The following PLA2G7 variants were observed in gnomAD, a reference collection of about 807,000 sequenced individuals.
PLA2G7 encodes phospholipase A2 group VII, also known as platelet-activating factor acetylhydrolase.
In PLA2G7, 63 loss-of-function variants were observed where a neutral mutation model predicts 49.6. That is an observed-to-expected ratio of 1.27 (90% confidence interval 1.04 to 1.57). The LOEUF (loss-of-function observed/expected upper bound fraction) is 1.57. Among genes scored for constraint, PLA2G7 ranks in the 40% most tolerant of loss-of-function variants. PLA2G7 has a pLI of 0.00. For synonymous variants in PLA2G7, 193 were observed against 169.9 expected, an observed-to-expected ratio of 1.14 and a Z score of -1.06; for missense variants, 596 against 521.2, an observed-to-expected ratio of 1.14 and a Z score of -1.40.
intron 1 of PLA2G7, among the ~76,000 whole-genome samples, chr6:46,725,424 G>T (rs1030256073): frequency 6.6e-6 from 1 of 152,050 alleles, no homozygotes; most frequent in African/African-American, 2.4e-5. Context: ...TAGAGATGGG[G>T]TTTCACCATG....
chr6:46,720,563 C>T (rs1049487935), intron 2 of PLA2G7, among the ~76,000 whole-genome samples: 1 of 152,174 alleles, frequency 6.6e-6, no homozygotes, highest in African/African-American at 2.4e-5. Context: ...TAGCCTACAG[C>T]TGACCCGGTT....
intron 1 of PLA2G7, among the ~76,000 whole-genome samples, chr6:46,728,150 T>C (rs1765626434): frequency 6.6e-6 from 1 of 152,252 alleles, no homozygotes; most frequent in Admixed American, 6.5e-5. Flanking sequence ...AAATGATTGC[T>C]GAAGAAGATA....
intron 10 of PLA2G7, among the ~76,000 whole-genome samples, chr6:46,707,692 G>A (rs1764872687): frequency 6.6e-6 from 1 of 152,194 alleles, no homozygotes; most frequent in Admixed American, 6.5e-5. Context: ...TGTACAGGCT[G>A]CAGAACTGTG....
intron 5 of PLA2G7, 45 bp downstream of exon 5, chr6:46,714,415 C>G: frequency 8.6e-7 from 1 of 1,159,518 alleles, no homozygotes; most frequent in Non-Finnish European, 1.3e-6. Context: ...AAAAAATTGT[C>G]ATTTATTCCT....
chr6:46,705,793 A>T (rs1254715008), intron 10 of PLA2G7, among the ~76,000 whole-genome samples: 1 of 152,260 alleles, frequency 6.6e-6, no homozygotes, highest in Non-Finnish European at 1.5e-5. Context: ...GCACTTTATA[A>T]ATATCATTTG....
intron 1 of PLA2G7, among the ~76,000 whole-genome samples, chr6:46,729,425 G>T (rs1400715130): frequency 6.6e-6 from 1 of 152,138 alleles, no homozygotes; most frequent in Non-Finnish European, 1.5e-5. Flanking sequence ...CCACTTATCT[G>T]ATGTCATATG....
chr6:46,718,740 C>T (rs1219269208), intron 2 of PLA2G7, among the ~76,000 whole-genome samples: 4 of 152,344 alleles, frequency 2.6e-5, no homozygotes, highest in Non-Finnish European at 4.4e-5. Flanking sequence ...TACATAGATT[C>T]TATGTGCATG....
At chr6:46,734,490 G>C (rs181041007) in intron 1 of PLA2G7, among the ~76,000 whole-genome samples, 20 of 108,058 alleles carry the variant, frequency 1.9e-4, no homozygotes, top group South Asian at 3.2e-4. Context: ...GAGAGAGAGA[G>C]ACGGAGAGAG....
intron 1 of PLA2G7, among the ~76,000 whole-genome samples, chr6:46,724,932 A>G (rs1342833558): frequency 6.6e-6 from 1 of 152,236 alleles, no homozygotes; most frequent in African/African-American, 2.4e-5. Flanking sequence ...CAAATACTAT[A>G]TGCCCTCTCC....
chr6:46,720,812 G>A (rs986987399), intron 2 of PLA2G7, among the ~76,000 whole-genome samples: 3 of 152,150 alleles, frequency 2.0e-5, no homozygotes, highest in Non-Finnish European at 4.4e-5. Context: ...CTGATGTTCA[G>A]TCTTGGGTTT....
At chr6:46,717,362 CCT>C (rs1765244950) in intron 2 of PLA2G7, among the ~76,000 whole-genome samples, 2 of 152,236 alleles carry the variant, frequency 1.3e-5, no homozygotes, top group Admixed American at 1.3e-4. Context: ...GCAGCCTTGC[CCT>C]CTCATTCTAC....
At position 46,716,519 on chromosome 6, in the gene PLA2G7, A is replaced by C; in HGVS notation, c.241T>G (p.Leu81Val). Residue 81 changes from leucine (L) to valine (V), a missense_variant, in exon 4 of 12, where the codon TTG becomes GTG. By Grantham distance (32) the Leu-to-Val change is conservative. Transcript: ENST00000274793. ...MFDHTNKGTF[L>V]RLYYPSQDND... ...TCTTGGGATGGATAATATAAACGCA[A>C]GAAGGTGCCCTGTTAAGAAAGAAAT... The C allele has an allele frequency of 6.2e-7, 1 of 1,613,854 alleles. No homozygotes were observed. The highest frequency in any genetic ancestry group is 8.5e-7 in the Non-Finnish European group (1 of 1,179,764).
In PLA2G7 at chr6:46,717,920, G is replaced by A. The variant is rs45523731; in HGVS notation, c.110-824C>T. 2.0e-3 allele frequency among the ~76,000 whole-genome samples: 300 copies of A among 152,176 alleles called. 3 individuals are homozygous for A. The highest frequency in any genetic ancestry group is 6.9e-3 in the African/African-American group (288 of 41,510). Reference sequence around the variant, plus strand: ...TTTAGTAGAGACGGGGTTTCACCACGTTGGCCAGAATGGTCTTGATCTCCT... The same window carrying A: ...TTTAGTAGAGACGGGGTTTCACCACATTGGCCAGAATGGTCTTGATCTCCT... On this transcript the variant is annotated intron_variant, in intron 2 of 11. Transcript: ENST00000274793.
chr6:46,717,130 T>C (rs749034042), intron 2 of PLA2G7, 34 bp from the exon 3 acceptor site: 5 of 1,583,220 alleles, frequency 3.2e-6, no homozygotes, highest in East Asian at 2.2e-5. Context: ...TCATTTGTCA[T>C]CCATTACATA....
chr6:46,730,678 G>A (rs1225019368), intron 1 of PLA2G7, among the ~76,000 whole-genome samples: 1 of 152,066 alleles, frequency 6.6e-6, no homozygotes, highest in African/African-American at 2.4e-5. Context: ...TCATCTGATT[G>A]CTTCCAAGAA....
In PLA2G7 at chr6:46,714,420, A is replaced by G. The variant is rs530126200; in HGVS notation, c.470+40T>C. The G allele has an allele frequency of 2.0e-5, 25 of 1,226,936 alleles. No individual in the cohort carries two copies. The South Asian group carries it at 3.0e-4, about 15-fold the overall frequency. 76.0% of individuals were successfully genotyped at this position (1,226,936 alleles called of 1,614,324 possible). On this transcript the variant is annotated intron_variant, in intron 5 of 11. Transcript: ENST00000274793. Reference sequence around the variant, plus strand: ...TTCTTGAATAAAAAAATTGTCATTTATTCCTGGAAGCCAAAATTGTTCAAC... The same window carrying G: ...TTCTTGAATAAAAAAATTGTCATTTGTTCCTGGAAGCCAAAATTGTTCAAC...
At chr6:46,722,664 A>C (rs536024943) in intron 2 of PLA2G7, 119 bp downstream of exon 2, 1 of 707,294 alleles carries the variant, frequency 1.4e-6, no homozygotes, top group East Asian at 2.7e-5. Context: ...AGAATACAGG[A>C]TCTCCATAAG....
At chr6:46,733,216 G>C (rs566873569) in intron 1 of PLA2G7, among the ~76,000 whole-genome samples, 19 of 152,328 alleles carry the variant, frequency 1.2e-4, no homozygotes, top group African/African-American at 4.6e-4. Context: ...AAAGGTGAGA[G>C]TGAGGGAATG....
Position 46,704,683 on chromosome 6 carries a change from A to T in PLA2G7, c.1203T>A (p.Asp401Glu). Residue 401 changes from aspartate to glutamate, a missense_variant, in exon 12 of 12, where the codon GAT (aspartate) becomes GAA (glutamate). Asp to Glu is a conservative substitution (Grantham distance 45, BLOSUM62 2). Coordinates refer to ENST00000274793, the MANE Select transcript of PLA2G7 (RefSeq NM_005084.4). ...CAATCAAGCAGTCCCACTGATCAAA[A>T]TCTTTATGAAGTCCTATAAAATATA... ...FLQKHLGLHKDFDQWDCLIEG... is the reference protein window; with the variant it reads ...FLQKHLGLHKEFDQWDCLIEG... The T allele has an allele frequency of 6.3e-7, 1 of 1,577,082 alleles. No individual in the cohort carries two copies. Among genetic ancestry groups the T allele is most frequent in the Non-Finnish European group, 8.7e-7 (1 of 1,146,324 alleles).
Sources: gnomAD v4.1 joint callset for allele counts (sites outside exome capture counted in the v4.1 genomes callset) on GRCh38, gnomAD v4.1.1 for gene constraint, MANE v1.5 for transcripts, NCBI Gene and HGNC (gene_info 2026-07-23, HGNC 2026-07-21) for gene names.